Variants in DGKB observed in about 807,000 individuals in gnomAD.
DGKB encodes the protein diacylglycerol kinase beta, also known as 90 kDa diacylglycerol kinase.
A neutral mutation model predicts 114.3 loss-of-function variants in DGKB; 67 were observed. The observed-to-expected ratio is 0.59, with a 90% CI of 0.48 to 0.72. The LOEUF is 0.72. Ranked by LOEUF, DGKB falls within the 30% of genes least tolerant of loss-of-function variation. DGKB has a pLI of 0.00. For missense variants in DGKB, 907 were observed against 975.2 expected (o/e 0.93, Z 0.93); for synonymous variants, 398 against 323.1 (o/e 1.23, Z -2.49).
chr7:14,258,240 T>A (rs186247975), intron 23 of DGKB, among the ~76,000 whole-genome samples: 10 of 152,332 alleles, frequency 6.6e-5, no homozygotes, highest in African/African-American at 2.4e-4. Context: ...TGGTTGAATT[T>A]AATTTTTAAA....
At chr7:14,768,742 G>A (rs1836838202) in intron 2 of DGKB, among the ~76,000 whole-genome samples, 2 of 152,060 alleles carry the variant, frequency 1.3e-5, no homozygotes, top group South Asian at 4.2e-4. Context: ...AAATTTAGGG[G>A]AGGAGAACTG....
At chr7:14,488,884 CA>C (rs1238881734) in intron 20 of DGKB, among the ~76,000 whole-genome samples, 1 of 138,236 alleles carries the variant, frequency 7.2e-6, no homozygotes, top group Non-Finnish European at 1.6e-5. Flanking sequence ...ACAACAACAA[CA>C]AAAATTATTT....
chr7:14,368,734 A>T (rs1208197816), intron 21 of DGKB, among the ~76,000 whole-genome samples: 2 of 152,100 alleles, frequency 1.3e-5, no homozygotes, highest in African/African-American at 4.8e-5. Context: ...CAAGCCTTGT[A>T]TGTTAGTTTT....
intron 23 of DGKB, among the ~76,000 whole-genome samples, chr7:14,227,094 T>C (rs796663092): frequency 6.6e-6 from 1 of 152,158 alleles, no homozygotes; most frequent in African/African-American, 2.4e-5. Flanking sequence ...AGAAAGGATA[T>C]GTGACTTATC....
At chr7:14,909,749 A>T (rs1783889278) in intron 1 of DGKB, among the ~76,000 whole-genome samples, 1 of 152,288 alleles carries the variant, frequency 6.6e-6, no homozygotes, top group Non-Finnish European at 1.5e-5. Flanking sequence ...TGGGTGATTT[A>T]TCTAAAAATG....
chr7:14,205,185 A>G (rs1380093947), intron 23 of DGKB, among the ~76,000 whole-genome samples: 1 of 151,990 alleles, frequency 6.6e-6, no homozygotes, highest in African/African-American at 2.4e-5. Context: ...TTCTGATGCC[A>G]TGTCCATGTG....
At chr7:14,704,154 G>A (rs544077699) in intron 6 of DGKB, among the ~76,000 whole-genome samples, 17 of 151,750 alleles carry the variant, frequency 1.1e-4, no homozygotes, top group African/African-American at 3.1e-4. Flanking sequence ...AATGTTTGCC[G>A]GCCGGGCGCG....
chr7:14,391,521 TAA>T (rs1403345799), intron 21 of DGKB, among the ~76,000 whole-genome samples: 1 of 113,848 alleles, frequency 8.8e-6, no homozygotes. Flanking sequence ...GAAAAAAAAA[TAA>T]AAAAAAAAAA....
intron 1 of DGKB, among the ~76,000 whole-genome samples, chr7:14,934,793 C>T (rs1253693251): frequency 1.3e-5 from 2 of 152,036 alleles, no homozygotes; most frequent in African/African-American, 2.4e-5. Context: ...TCAATCAATC[C>T]CCTAACTTGA....
intron 21 of DGKB, among the ~76,000 whole-genome samples, chr7:14,389,481 C>T (rs565859792): frequency 4.6e-5 from 7 of 152,316 alleles, no homozygotes; most frequent in South Asian, 2.1e-4. Context: ...TGACACCTGA[C>T]GGCTCACAGC....
rs369787993 is a variant in DGKB at position 14,699,240 on chromosome 7, C to G, written c.517-1071G>C. Among the ~76,000 whole-genome samples, 58 of 151,988 alleles carry G rather than the reference C, an allele frequency of 3.8e-4. 2 individuals carry two copies. In the East Asian group the frequency reaches 6.0e-3, roughly 16 times the overall value. ...ATTAACAAATTTTAAAACATAAATC[C>G]CTTTGAATTATAGGTTAAAAGTGTG... is the stretch of plus-strand genomic sequence containing the variant. On this transcript the variant is annotated intron_variant, in intron 7 of 25. Coordinates refer to ENST00000402815, the MANE Select transcript of DGKB (RefSeq NM_001350709.2).
At chr7:14,276,778 T>C (rs1470390469) in intron 23 of DGKB, among the ~76,000 whole-genome samples, 2 of 151,984 alleles carry the variant, frequency 1.3e-5, no homozygotes, top group Non-Finnish European at 2.9e-5. Flanking sequence ...ATGTAGATAC[T>C]ATCATGACCT....
intron 23 of DGKB, among the ~76,000 whole-genome samples, chr7:14,205,349 A>C (rs1324864806): frequency 2.0e-5 from 3 of 151,784 alleles, no homozygotes; most frequent in Admixed American, 1.3e-4. Flanking sequence ...CACAGTAACC[A>C]TCTTCTCTGC....
chr7:14,194,680 T>C (rs1007439095), intron 23 of DGKB, among the ~76,000 whole-genome samples: 1 of 152,118 alleles, frequency 6.6e-6, no homozygotes, highest in Non-Finnish European at 1.5e-5. Context: ...GTTATATATG[T>C]ACACAGAAAT....
At chr7:14,808,758 T>C (rs1488981859) in intron 2 of DGKB, among the ~76,000 whole-genome samples, 1 of 152,136 alleles carries the variant, frequency 6.6e-6, no homozygotes, top group Non-Finnish European at 1.5e-5. Context: ...AGGCTCTTGA[T>C]GAAACAGTGG....
intron 21 of DGKB, among the ~76,000 whole-genome samples, chr7:14,376,191 G>GTTGAGTT (rs1818458177): frequency 6.6e-6 from 1 of 152,116 alleles, no homozygotes; most frequent in Non-Finnish European, 1.5e-5. Context: ...GTCAGCCAGG[G>GTTGAGTT]TTGAGTTTGA....
chr7:14,952,095 T>A (rs1042486906), intron 1 of DGKB, among the ~76,000 whole-genome samples: 7 of 151,878 alleles, frequency 4.6e-5, no homozygotes, highest in African/African-American at 1.5e-4. Flanking sequence ...GACTTTATCC[T>A]TACAAAAAAG....
chr7:14,523,890 T>C (rs1790198975), intron 20 of DGKB, among the ~76,000 whole-genome samples: 1 of 152,146 alleles, frequency 6.6e-6, no homozygotes, highest in Non-Finnish European at 1.5e-5. Flanking sequence ...ACCCTAGTCA[T>C]CTTATTGAGG....
Position 14,638,131 on chromosome 7 carries a change from T to C in DGKB, c.1135-7863A>G, listed in dbSNP as rs188847487. Among the ~76,000 whole-genome samples the C allele has an allele frequency of 2.5e-3, 388 of 152,274 alleles. 16 individuals carry two copies. The highest frequency in any genetic ancestry group is 0.025 in the Admixed American group (387 of 15,296). ...CAGAATTCTGAAAATGTTCCCTTTA[T>C]ATTCTCTACCTGCTGTAACTCCTCA... On this transcript the variant is annotated intron_variant, in intron 13 of 25. Transcript: ENST00000402815.
Sources: allele counts gnomAD v4.1 joint callset (sites outside exome capture counted in the v4.1 genomes callset), GRCh38; gene constraint gnomAD v4.1.1; transcripts MANE v1.5; gene names NCBI Gene and HGNC (gene_info 2026-07-23, HGNC 2026-07-21).